Variants in OSBPL3 observed in about 807,000 individuals in gnomAD.
OSBPL3 encodes the protein oxysterol-binding protein-related protein 3.
A neutral mutation model predicts 120.1 loss-of-function variants in OSBPL3; 65 were observed. That is an observed-to-expected ratio of 0.54 (90% CI 0.44 to 0.67). The LOEUF (loss-of-function observed/expected upper bound fraction) is 0.67, where lower values mean the gene tolerates loss of function less well. Among genes scored for constraint, OSBPL3 ranks in the 30% least tolerant of loss-of-function variants. The pLI is 0.00. For synonymous variants in OSBPL3, 416 were observed against 402.6 expected (o/e 1.03, Z -0.40); for missense variants, 1,004 against 1,082.1 (o/e 0.93, Z 1.01).
intron 1 of OSBPL3, among the ~76,000 whole-genome samples, chr7:24,910,356 G>A (rs1022330323): frequency 1.3e-5 from 2 of 152,120 alleles, no homozygotes; most frequent in Admixed American, 1.3e-4. Context: ...TTCCTGAATG[G>A]AGAAATCAGA....
At chr7:24,811,482 T>A (rs1219463646) in intron 19 of OSBPL3, among the ~76,000 whole-genome samples, 1 of 152,250 alleles carries the variant, frequency 6.6e-6, no homozygotes, top group Non-Finnish European at 1.5e-5. Context: ...CTGTATTGAT[T>A]GTTTCCTTTG....
intron 22 of OSBPL3, among the ~76,000 whole-genome samples, chr7:24,800,590 G>T (rs1204053281): frequency 1.3e-5 from 2 of 151,326 alleles, no homozygotes; most frequent in Admixed American, 1.3e-4. Flanking sequence ...CCGAGTAGCT[G>T]GGACTACAGC....
At chr7:24,880,238 G>C (rs1259765328) in intron 2 of OSBPL3, among the ~76,000 whole-genome samples, 1 of 152,120 alleles carries the variant, frequency 6.6e-6, no homozygotes. Flanking sequence ...AAATTAGTTT[G>C]TGCAAGATCA....
chr7:24,809,710 T>A, intron 20 of OSBPL3, 97 bp downstream of exon 20: 1 of 1,142,648 alleles, frequency 8.8e-7, no homozygotes, highest in Non-Finnish European at 1.3e-6. Flanking sequence ...AGGCTGGAGA[T>A]GCTGAACAGA....
chr7:24,917,978 G>T, intron 1 of OSBPL3: 1 of 538,368 alleles, frequency 1.9e-6, no homozygotes, highest in Non-Finnish European at 2.4e-6. Flanking sequence ...GATTCCTTCA[G>T]CCTGACGATC....
chr7:24,942,646 T>C (rs1023342500), intron 1 of OSBPL3, among the ~76,000 whole-genome samples: 20 of 152,352 alleles, frequency 1.3e-4, no homozygotes, highest in Non-Finnish European at 2.5e-4. Flanking sequence ...AGCCTTCAGT[T>C]CCTTTTCTGA....
chr7:24,871,133 C>T lies in OSBPL3; in HGVS notation c.268-288G>A, dbSNP rs1202775579. Among the ~76,000 whole-genome samples, 1 of 152,210 alleles carries T rather than the reference C, an allele frequency of 6.6e-6. No homozygotes were observed. The highest frequency in any genetic ancestry group is 1.5e-5 in the Non-Finnish European group (1 of 68,034). On this transcript the variant is annotated intron_variant, in intron 4 of 22. Coordinates refer to ENST00000313367, the MANE Select transcript of OSBPL3 (RefSeq NM_015550.4). The surrounding 1 kb of genome is among the most constrained non-coding windows in gnomAD (Gnocchi z 4.8). The stretch of plus-strand genomic sequence containing the variant: ...ATGTGAGGAAACAAAAGAGTAAGCA[C>T]CGTGGGTTGACTCCCATGGCAGTGA...
At position 24,873,023 on chromosome 7, in the gene OSBPL3, A is replaced by C. The variant is rs1802385128; in HGVS notation, c.97-954T>G. Reference sequence around the variant, plus strand: ...AGAGTATGCCTTGATAAAAATGATAAATTTTTACATTTATACATATACTCA... The same window carrying C: ...AGAGTATGCCTTGATAAAAATGATACATTTTTACATTTATACATATACTCA... On this transcript the variant is annotated intron_variant, in intron 2 of 22. Coordinates refer to ENST00000313367, the MANE Select transcript of OSBPL3 (RefSeq NM_015550.4). The surrounding 1 kb of genome is among the most constrained non-coding windows in gnomAD (Gnocchi z 4.1). Among the ~76,000 whole-genome samples the C allele has an allele frequency of 2.6e-5, 4 of 152,194 alleles. No individual in the cohort carries two copies. The highest frequency in any genetic ancestry group is 2.6e-4 in the Admixed American group (4 of 15,274).
chr7:24,801,576 A>G (rs551506378), intron 22 of OSBPL3, among the ~76,000 whole-genome samples: 11 of 152,312 alleles, frequency 7.2e-5, no homozygotes, highest in African/African-American at 2.6e-4. Flanking sequence ...ATTGGAGATC[A>G]TTTCCGATTA....
In OSBPL3 at chr7:24,932,322, T is replaced by G. The variant is rs1375243569; in HGVS notation, c.-149-39701A>C. ...AGCATTCCCCGGTCAAGTTTCAAGC[T>G]GTGCGCCCAGGGGTCTGAGATAGGT... On this transcript the variant is annotated intron_variant, in intron 1 of 22. Coordinates refer to ENST00000313367, the MANE Select transcript of OSBPL3 (RefSeq NM_015550.4). This position sits in a 1 kb window ranked among gnomAD's most constrained non-coding sequence, Gnocchi z 5.6. Among the ~76,000 whole-genome samples, 1 of 152,174 alleles carries G rather than the reference T, an allele frequency of 6.6e-6. No homozygotes were observed. Among genetic ancestry groups the G allele is most frequent in the Admixed American group, 6.5e-5 (1 of 15,284 alleles).
intron 13 of OSBPL3, among the ~76,000 whole-genome samples, 172 bp downstream of exon 13, chr7:24,842,107 A>T (rs1045351096): frequency 6.6e-6 from 1 of 152,308 alleles, no homozygotes; most frequent in African/African-American, 2.4e-5. Context: ...TCTCACATAT[A>T]GTATCATTTT....
intron 20 of OSBPL3, among the ~76,000 whole-genome samples, chr7:24,809,522 C>T (rs1249478306): frequency 6.6e-6 from 1 of 152,152 alleles, no homozygotes. Context: ...TAGAGTTATG[C>T]ATGTGGACTG....
chr7:24,828,391 C>G (rs1243286757), intron 16 of OSBPL3, among the ~76,000 whole-genome samples: 1 of 151,906 alleles, frequency 6.6e-6, no homozygotes, highest in Non-Finnish European at 1.5e-5. Context: ...CGGGCGGATC[C>G]CATGAGGTCA....
At chr7:24,923,557 G>A (rs1261596741) in intron 1 of OSBPL3, among the ~76,000 whole-genome samples, 3 of 152,110 alleles carry the variant, frequency 2.0e-5, no homozygotes, top group Admixed American at 6.5e-5. Flanking sequence ...AGTATGGGAC[G>A]GCAGGGCAGA....
At position 24,913,915 on chromosome 7, in the gene OSBPL3, T is replaced by C. The variant is rs77773783; in HGVS notation, c.-149-21294A>G. Among the ~76,000 whole-genome samples the C allele has an allele frequency of 4.6e-5, 7 of 152,194 alleles. No individual in the cohort carries two copies. Among genetic ancestry groups the C allele is most frequent in the African/African-American group, 1.4e-4 (6 of 41,450 alleles). ...AAAGTAAAAGTTCTACATATATGCA[T>C]TGAAACTTTCCTAAGGAGCAGATTC... is the stretch of plus-strand genomic sequence containing the variant. On this transcript the variant is annotated intron_variant, in intron 1 of 22. Coordinates refer to ENST00000313367, the MANE Select transcript of OSBPL3 (RefSeq NM_015550.4). This position sits in a 1 kb window ranked among gnomAD's most constrained non-coding sequence, Gnocchi z 5.3.
rs931748425 is a variant in OSBPL3, at chr7:24,827,881, A to T, written c.1884+2887T>A. Among the ~76,000 whole-genome samples, 1 of 152,210 alleles carries T rather than the reference A, an allele frequency of 6.6e-6. No homozygotes were observed. Among genetic ancestry groups the T allele is most frequent in the Non-Finnish European group, 1.5e-5 (1 of 68,032 alleles). The stretch of plus-strand genomic sequence containing the variant: ...TCACCAGCGACATCAAGTCCCCTTC[A>T]AACTACTTGTACTAGAAGTGGAGAT... On this transcript the variant is annotated intron_variant, in intron 16 of 22. Transcript: ENST00000313367. This position sits in a 1 kb window ranked among gnomAD's most constrained non-coding sequence, Gnocchi z 5.1.
intron 1 of OSBPL3, among the ~76,000 whole-genome samples, chr7:24,971,831 G>A (rs1261276787): frequency 6.6e-6 from 1 of 152,200 alleles, no homozygotes; most frequent in Admixed American, 6.5e-5. Flanking sequence ...TGTTATCACT[G>A]TTATTCATAA....
chr7:24,856,872 G>A (rs752932591), intron 10 of OSBPL3, among the ~76,000 whole-genome samples: 12 of 152,102 alleles, frequency 7.9e-5, no homozygotes, highest in Admixed American at 2.0e-4. Context: ...AAACCTCACA[G>A]GATGCCCATG....
chr7:24,844,617 A>G (rs1798178593), intron 12 of OSBPL3, among the ~76,000 whole-genome samples: 2 of 152,208 alleles, frequency 1.3e-5, no homozygotes, highest in Admixed American at 6.5e-5. Context: ...TCATATCTCT[A>G]TGTATGTAAT....
Sources: gnomAD v4.1 joint callset for allele counts (sites outside exome capture counted in the v4.1 genomes callset) on GRCh38, gnomAD v4.1.1 for gene constraint, Gnocchi (gnomAD v3.1) non-coding constraint, MANE v1.5 for transcripts, NCBI Gene and HGNC (gene_info 2026-07-23, HGNC 2026-07-21) for gene names.